Variants in HOOK2 observed in about 807,000 individuals in gnomAD.
HOOK2 encodes protein Hook homolog 2.
In HOOK2, 108 loss-of-function variants were observed where a neutral mutation model predicts 111.9. That is an observed-to-expected ratio of 0.96 (90% CI 0.83 to 1.13). The LOEUF (loss-of-function observed/expected upper bound fraction) is 1.13, where lower values mean the gene tolerates loss of function less well. Among genes scored for constraint, HOOK2 ranks in the 50% most tolerant of loss-of-function variants. HOOK2 has a pLI of 0.00. For synonymous variants in HOOK2, 405 were observed against 394.3 expected, an observed-to-expected ratio of 1.03 and a Z score of -0.32; for missense variants, 978 against 951.3, an observed-to-expected ratio of 1.03 and a Z score of -0.37.
chr19:12,776,694 T>C (rs62108400), upstream of HOOK2, among the ~76,000 whole-genome samples: 2 of 141,194 alleles, frequency 1.4e-5, no homozygotes. Context: ...AAAAAAAAAT[T>C]AGCCAGACAT....
At chr19:12,771,844 T>C (rs1163268721) in intron 7 of HOOK2, 3 of 323,060 alleles carry the variant, frequency 9.3e-6, no homozygotes, top group African/African-American at 4.6e-5. Flanking sequence ...ATCGTGCCAC[T>C]GCACTCCAGC....
At chr19:12,769,468 G>C (rs905718846) in intron 11 of HOOK2, among the ~76,000 whole-genome samples, 1 of 152,090 alleles carries the variant, frequency 6.6e-6, no homozygotes, top group African/African-American at 2.4e-5. Context: ...TGTCACCCAG[G>C]CTGGAATGCA....
upstream of HOOK2, among the ~76,000 whole-genome samples, chr19:12,777,662 CCCAG>C (rs1244629417): frequency 2.0e-5 from 3 of 152,210 alleles, no homozygotes; most frequent in Non-Finnish European, 4.4e-5. Context: ...CCTTGCCCTC[CCCAG>C]ATGCGCGCCC....
chr19:12,770,574 G>C (rs1213249327), intron 10 of HOOK2, among the ~76,000 whole-genome samples: 1 of 151,896 alleles, frequency 6.6e-6, no homozygotes, highest in East Asian at 1.9e-4. Flanking sequence ...AGTCCTAGAA[G>C]GTACCATGGG....
upstream of HOOK2, among the ~76,000 whole-genome samples, chr19:12,780,231 T>C (rs192084831): frequency 4.0e-4 from 61 of 152,310 alleles, no homozygotes; most frequent in African/African-American, 1.4e-3. Context: ...TGTATCTCTG[T>C]ATGGTCCAGG....
intron 13 of HOOK2, 63 bp downstream of exon 13, chr19:12,767,753 A>G (rs1968197880): frequency 6.1e-6 from 9 of 1,473,188 alleles, no homozygotes; most frequent in Non-Finnish European, 7.4e-6. Context: ...ACTGGGACAC[A>G]ACCTGTTCTA....
At chr19:12,774,247 A>T in intron 3 of HOOK2, 1 of 235,906 alleles carries the variant, frequency 4.2e-6, no homozygotes, top group Non-Finnish European at 8.6e-6. Context: ...CTGGGATTAC[A>T]GGTGCACACC....
chr19:12,787,728 C>T (rs1026377875), intron 3 of HOOK2, among the ~76,000 whole-genome samples: 1 of 151,958 alleles, frequency 6.6e-6, no homozygotes, highest in Non-Finnish European at 1.5e-5. Flanking sequence ...AGACGTGAGC[C>T]ACTGTGTTTG....
intron 11 of HOOK2, 107 bp downstream of exon 11, chr19:12,769,774 C>T (rs1968259471): frequency 2.2e-6 from 2 of 912,236 alleles, no homozygotes; most frequent in Non-Finnish European, 3.0e-6. Context: ...AGAGCGTGGC[C>T]TACGTACAAA....
chr19:12,777,446 C>T (rs1968549334), upstream of HOOK2, among the ~76,000 whole-genome samples: 1 of 152,246 alleles, frequency 6.6e-6, no homozygotes, highest in Non-Finnish European at 1.5e-5. Flanking sequence ...CGCCACTGCA[C>T]TCCAGCCTGG....
chr19:12,764,935 C>G lies in HOOK2; in HGVS notation c.1724-18G>C. ...CCGGGCTGCTGGCGGAAGAGGTGGC[C>G]CATCAGCTCCACGCTGCTGGGCTCT... On this transcript the variant is annotated intron_variant, in intron 19 of 22. Coordinates refer to ENST00000397668, the MANE Select transcript of HOOK2 (RefSeq NM_013312.3). 6.2e-7 allele frequency: 1 copy of G among 1,613,806 alleles called. No individual in the cohort carries two copies. The highest frequency in any genetic ancestry group is 2.2e-5 in the East Asian group (1 of 44,882).
intron 3 of HOOK2, among the ~76,000 whole-genome samples, chr19:12,783,641 G>A (rs1196070482): frequency 6.6e-6 from 1 of 152,012 alleles, no homozygotes; most frequent in East Asian, 1.9e-4. Context: ...TCCTGTCTCT[G>A]CCCTCATTGC....
In HOOK2 at chr19:12,774,714, C is replaced by A; in HGVS notation, c.159G>T (p.Trp53Cys). The stretch of plus-strand genomic sequence containing the variant: ...CTGGATCTTCCGAGATGCCCTGGAG[C>A]CATGCCTCGTTGAACCAGGAGGGGT... Reference protein sequence around the residue: ...QIDPSWFNEAWLQGISEDPGP... With the variant: ...QIDPSWFNEACLQGISEDPGP... Residue 53 changes from tryptophan to cysteine, a missense_variant, in exon 3 of 23, where the codon TGG becomes TGT. This residue lies in a region of HOOK2 where 301 missense variants were observed against 286.1 expected (regional missense o/e 1.05). Coordinates refer to ENST00000397668, the MANE Select transcript of HOOK2 (RefSeq NM_013312.3). 1.2e-6 allele frequency: 2 copies of A among 1,614,168 alleles called. No homozygotes were observed. The highest frequency in any genetic ancestry group is 1.7e-6 in the Non-Finnish European group (2 of 1,180,026).
chr19:12,792,098 C>G, intron 3 of HOOK2: 1 of 1,600,836 alleles, frequency 6.2e-7, no homozygotes. Context: ...CGGGACAGTA[C>G]TTTTACCCCC....
upstream of HOOK2, among the ~76,000 whole-genome samples, chr19:12,776,398 T>G (rs2145783496): frequency 6.7e-6 from 1 of 149,558 alleles, no homozygotes; most frequent in African/African-American, 2.5e-5. Context: ...ATTTAAAAAT[T>G]ACCCAGGTAG....
chr19:12,784,259 C>G (rs749403062), intron 3 of HOOK2, among the ~76,000 whole-genome samples: 1 of 152,082 alleles, frequency 6.6e-6, no homozygotes. Context: ...ACAGTCACCC[C>G]GAGAGAGCCA....
chr19:12,773,182 T>G, intron 3 of HOOK2, 138 bp from the exon 4 acceptor site: 1 of 704,344 alleles, frequency 1.4e-6, no homozygotes, highest in Non-Finnish European at 2.4e-6. Context: ...CCTCTAGGGG[T>G]GACCTGTCTG....
Position 12,775,477 on chromosome 19 carries a change from A to G in HOOK2, c.-28T>C. On this transcript the variant is annotated 5_prime_UTR_variant, in exon 1 of 23. Coordinates refer to ENST00000397668, the MANE Select transcript of HOOK2 (RefSeq NM_013312.3). ...CTCCCGATCGGATTCAATCCAGGCC[A>G]CGGAGCCCCGGCGCCGCAGCAGCCT... The G allele has an allele frequency of 6.2e-7, 1 of 1,600,472 alleles. No individual in the cohort carries two copies. The highest frequency in any genetic ancestry group is 1.7e-4 in the Middle Eastern group (1 of 6,000).
At position 12,775,418 on chromosome 19, in the gene HOOK2, G is replaced by C. The variant is rs746445430; in HGVS notation, c.32C>G (p.Ser11Cys). ...CCCACGACCTACCCAGGTGAGCAGA[G>C]ACCCGCATAGCTCAGCTTTGTCCAC... MSVDKAELCG[S>C]LLTWLQTFHV... Residue 11 changes from serine (S) to cysteine (C), a missense_variant, in exon 1 of 23, where the codon TCT becomes TGT. By Grantham distance (112) the Ser-to-Cys change is moderately radical. Transcript: ENST00000397668. The C allele has an allele frequency of 1.1e-5, 17 of 1,612,750 alleles. No homozygotes were observed. Among genetic ancestry groups the C allele is most frequent in the Non-Finnish European group, 1.4e-5 (16 of 1,179,676 alleles).
Sources: allele counts gnomAD v4.1 joint callset (sites outside exome capture counted in the v4.1 genomes callset), GRCh38; gene constraint gnomAD v4.1.1; regional missense constraint gnomAD v4.1.1; transcripts MANE v1.5; gene names NCBI Gene and HGNC (gene_info 2026-07-23, HGNC 2026-07-21).